Variants in TTC7B observed in about 807,000 individuals in gnomAD.
TTC7B encodes tetratricopeptide repeat protein 7B.
A neutral mutation model predicts 106.8 loss-of-function variants in TTC7B; 28 were observed. The observed-to-expected ratio is 0.26, with a 90% CI of 0.19 to 0.36. The LOEUF (loss-of-function observed/expected upper bound fraction) is 0.36, where lower values mean the gene tolerates loss of function less well. Ranked by LOEUF, TTC7B falls within the 10% of genes least tolerant of loss-of-function variation. The probability of loss-of-function intolerance (pLI) is 1.00; values close to 1 mark genes in which losing one functional copy is unlikely to be tolerated. For synonymous variants in TTC7B, 405 were observed against 430.6 expected, an observed-to-expected ratio of 0.94 and a Z score of 0.74; for missense variants, 862 against 1,076.4, an observed-to-expected ratio of 0.80 and a Z score of 2.79.
At chr14:90,766,478 C>T in intron 3 of TTC7B, 1 of 654,238 alleles carries the variant, frequency 1.5e-6, no homozygotes, top group Non-Finnish European at 2.7e-6. Flanking sequence ...TAAAAAGAAG[C>T]CAATAAGAAA....
chr14:90,567,081 G>A (rs1890830966), intron 19 of TTC7B, among the ~76,000 whole-genome samples: 1 of 152,232 alleles, frequency 6.6e-6, no homozygotes, highest in African/African-American at 2.4e-5. Context: ...GCCCAGAGCA[G>A]GCATCCGTGG....
At chr14:90,775,785 G>A (rs1017819950) in intron 3 of TTC7B, among the ~76,000 whole-genome samples, 1 of 152,104 alleles carries the variant, frequency 6.6e-6, no homozygotes, top group African/African-American at 2.4e-5. Flanking sequence ...CTGTGCTGGT[G>A]GGAGATGACC....
At chr14:90,558,449 C>T (rs1890418344) in intron 19 of TTC7B, among the ~76,000 whole-genome samples, 2 of 152,266 alleles carry the variant, frequency 1.3e-5, no homozygotes, top group South Asian at 2.1e-4. Flanking sequence ...TTTTCCACAC[C>T]GCTGTGTGAC....
intron 4 of TTC7B, among the ~76,000 whole-genome samples, chr14:90,740,323 G>A (rs747935812): frequency 8.6e-5 from 13 of 151,908 alleles, no homozygotes; most frequent in East Asian, 1.9e-4. Context: ...AATGAGCACC[G>A]CCCCGGAAGC....
rs111772906 is a variant in TTC7B at position 90,531,260 on chromosome 14, T to TAAACAAAC, written c.*10100_*10107dup. The TAAACAAAC allele has an allele frequency of 5.9e-5, 9 of 151,606 alleles. No homozygotes were observed. The highest frequency in any genetic ancestry group is 2.2e-4 in the African/African-American group (9 of 41,114). The allele number at this position is 151,606 out of a possible 1,614,324, so 9.4% of individuals were successfully genotyped here. A position where few individuals can be genotyped will look rare whatever the true frequency, so the allele number is the denominator to read the frequency against. ...AAAAGAAAAGAAAAAGCTGCTTGCTTAAACAAACAAACAAACAAACAAAAA... is the reference window on the plus strand; with the variant it reads ...AAAAGAAAAGAAAAAGCTGCTTGCTTAAACAAACAAACAAACAAACAAACAAACAAAAA... On this transcript the variant is annotated 3_prime_UTR_variant, in exon 20 of 20. Transcript: ENST00000328459.
At chr14:90,814,800 C>T (rs1376932383) in intron 1 of TTC7B, among the ~76,000 whole-genome samples, 2 of 152,172 alleles carry the variant, frequency 1.3e-5, no homozygotes, top group African/African-American at 4.8e-5. Context: ...ACACCATCTC[C>T]TCAAAGGCTG....
intron 15 of TTC7B, among the ~76,000 whole-genome samples, chr14:90,642,073 T>C (rs1885205356): frequency 6.6e-6 from 1 of 152,202 alleles, no homozygotes; most frequent in Non-Finnish European, 1.5e-5. Flanking sequence ...TTTTTTAAAG[T>C]GCTTTAACCA....
intron 5 of TTC7B, chr14:90,698,653 C>T (rs1382594856): frequency 1.3e-5 from 2 of 152,800 alleles, no homozygotes; most frequent in African/African-American, 4.8e-5. Context: ...TCATCTCCTG[C>T]ACTTTACTTC....
At chr14:90,591,766 T>C (rs901640344) in intron 18 of TTC7B, among the ~76,000 whole-genome samples, 2 of 152,246 alleles carry the variant, frequency 1.3e-5, no homozygotes, top group African/African-American at 4.8e-5. Flanking sequence ...CTTTCTGTTC[T>C]CTGTAGTTGT....
At position 90,657,876 on chromosome 14, in the gene TTC7B, TC is replaced by T; in HGVS notation, c.1236+427del. 1 of 189,442 alleles carries T rather than the reference TC, an allele frequency of 5.3e-6. No homozygotes were observed. The highest frequency in any genetic ancestry group is 5.4e-5 in the Admixed American group (1 of 18,676). The allele number at this position is 189,442 out of a possible 1,614,324, so 11.7% of individuals were successfully genotyped here. ...GGGTCACTCAGCTGGGAGAGCAGCA[TC>T]AAGCTTCTATCCTGCCGTTGGACTC... On this transcript the variant is annotated intron_variant, in intron 10 of 19. Coordinates refer to ENST00000328459, the MANE Select transcript of TTC7B (RefSeq NM_001010854.2). This position sits in a 1 kb window ranked among gnomAD's most constrained non-coding sequence, Gnocchi z 4.2.
chr14:90,786,326 C>T lies in TTC7B; in HGVS notation c.124G>A (p.Asp42Asn). The T allele has an allele frequency of 6.2e-7, 1 of 1,613,224 alleles. No homozygotes were observed. Among genetic ancestry groups the T allele is most frequent in the Non-Finnish European group, 8.5e-7 (1 of 1,179,750 alleles). Residue 42 changes from aspartate (D) to asparagine (N), a missense_variant and splice_region_variant, in exon 2 of 20, where the codon GAC becomes AAC. Transcript: ENST00000328459. Reference sequence around the variant, plus strand: ...TCCCCGAGGAGAAGCTCTGCCATGTCATCTACAAAAACAAAGTGAGAACAA... The same window carrying T: ...TCCCCGAGGAGAAGCTCTGCCATGTTATCTACAAAAACAAAGTGAGAACAA... The part of the protein sequence containing the change: ...QLSAKLIAND[D>N]MAELLLGESK...
chr14:90,699,659 C>A (rs925864483), intron 5 of TTC7B, among the ~76,000 whole-genome samples: 1 of 152,170 alleles, frequency 6.6e-6, no homozygotes, highest in Non-Finnish European at 1.5e-5. Flanking sequence ...AGATCAAACA[C>A]AATAAGTCAA....
At chr14:90,628,819 A>G (rs763695560) in intron 15 of TTC7B, among the ~76,000 whole-genome samples, 16 of 152,220 alleles carry the variant, frequency 1.1e-4, no homozygotes, top group Non-Finnish European at 2.2e-4. Flanking sequence ...GTGTGTTTCC[A>G]TGAGGGGCTG....
chr14:90,588,886 T>TAAAAAAAAAAAA (rs572763059), intron 18 of TTC7B, among the ~76,000 whole-genome samples: 1 of 81,720 alleles, frequency 1.2e-5, no homozygotes, highest in African/African-American at 4.8e-5. Flanking sequence ...AAACAAAAAC[T>TAAAAAAAAAAAA]AAAAAAAAAA....
chr14:90,749,563 G>A (rs1016323012), intron 3 of TTC7B, among the ~76,000 whole-genome samples: 12 of 151,808 alleles, frequency 7.9e-5, no homozygotes, highest in African/African-American at 1.7e-4. Flanking sequence ...GCACCACCAC[G>A]CCTGGCTAAT....
intron 5 of TTC7B, among the ~76,000 whole-genome samples, chr14:90,722,471 C>T (rs1888934489): frequency 1.3e-5 from 2 of 152,216 alleles, no homozygotes; most frequent in African/African-American, 4.8e-5. Flanking sequence ...CTTCTCCACA[C>T]CTAGAGAATG....
At position 90,759,747 on chromosome 14, in the gene TTC7B, A is replaced by G. The variant is rs1333509657; in HGVS notation, c.446-14825T>C. ...TGAAATGGAGTGGATCTCAGAATAT[A>G]CTGAGAAGTTTGCCCTTTTGCTTAG... On this transcript the variant is annotated intron_variant, in intron 3 of 19. Coordinates refer to ENST00000328459, the MANE Select transcript of TTC7B (RefSeq NM_001010854.2). The surrounding 1 kb of genome is among the most constrained non-coding windows in gnomAD (Gnocchi z 4.1). 2.6e-5 allele frequency among the ~76,000 whole-genome samples: 4 copies of G among 152,320 alleles called. No homozygotes were observed. The highest frequency in any genetic ancestry group is 6.8e-3 in the Middle Eastern group (2 of 294).
intron 9 of TTC7B, among the ~76,000 whole-genome samples, chr14:90,660,595 C>T (rs1471943972): frequency 6.6e-6 from 1 of 151,972 alleles, no homozygotes; most frequent in Non-Finnish European, 1.5e-5. Context: ...TCTTGTGCTG[C>T]TAGGAGGCCA....
intron 6 of TTC7B, among the ~76,000 whole-genome samples, chr14:90,693,742 C>G (rs887831272): frequency 6.6e-6 from 1 of 152,122 alleles, no homozygotes; most frequent in African/African-American, 2.4e-5. Flanking sequence ...AAATTGGAAC[C>G]CTCATAACTG....
Sources: gnomAD v4.1 joint callset for allele counts (sites outside exome capture counted in the v4.1 genomes callset) on GRCh38, gnomAD v4.1.1 for gene constraint, Gnocchi (gnomAD v3.1) non-coding constraint, MANE v1.5 for transcripts, NCBI Gene and HGNC (gene_info 2026-07-23, HGNC 2026-07-21) for gene names.